Variants in TRHDE observed in about 807,000 individuals in gnomAD.
The protein encoded by TRHDE is thyrotropin releasing hormone degrading enzyme, also known as thyrotropin-releasing hormone-degrading ectoenzyme.
TRHDE carries 72 observed loss-of-function variants against 125.7 expected under a neutral mutation model. The observed-to-expected ratio is 0.57, with a 90% confidence interval of 0.47 to 0.70. TRHDE has a LOEUF of 0.70. TRHDE is among the 30% of genes least tolerant of loss of function. TRHDE has a pLI of 0.00. For synonymous variants in TRHDE, 509 were observed against 509.1 expected, an observed-to-expected ratio of 1.00 and a Z score of 0.00; for missense variants, 1,110 against 1,327.1, an observed-to-expected ratio of 0.84 and a Z score of 2.54.
intron 15 of TRHDE, among the ~76,000 whole-genome samples, chr12:72,651,225 C>A (rs1050942234): frequency 6.6e-6 from 1 of 151,986 alleles, no homozygotes; most frequent in Admixed American, 6.6e-5. Flanking sequence ...TTGTATGATA[C>A]TTTCTTAGAA....
At chr12:72,150,996 C>A (rs909824103) in intron 2 of TRHDE, among the ~76,000 whole-genome samples, 1 of 152,180 alleles carries the variant, frequency 6.6e-6, no homozygotes, top group Non-Finnish European at 1.5e-5. Context: ...AATGGTTGAA[C>A]TAGTTTACAG....
intron 3 of TRHDE, among the ~76,000 whole-genome samples, chr12:72,441,560 T>A (rs1187713024): frequency 6.6e-6 from 1 of 151,854 alleles, no homozygotes; most frequent in African/African-American, 2.4e-5. Flanking sequence ...TTCCTTTTAA[T>A]CCTTCTGGAG....
At chr12:72,397,671 G>A (rs184820952) in intron 3 of TRHDE, among the ~76,000 whole-genome samples, 2 of 151,992 alleles carry the variant, frequency 1.3e-5, no homozygotes, top group African/African-American at 4.8e-5. Context: ...GGTCTGAAAT[G>A]CTTTTCACTA....
chr12:72,457,688 G>A (rs988782927), intron 3 of TRHDE, among the ~76,000 whole-genome samples: 10 of 151,870 alleles, frequency 6.6e-5, no homozygotes, highest in African/African-American at 1.9e-4. Flanking sequence ...TGAATGTTGT[G>A]TGAACTACTA....
chr12:72,134,342 T>G (rs893016541), intron 2 of TRHDE, among the ~76,000 whole-genome samples: 1 of 151,808 alleles, frequency 6.6e-6, no homozygotes, highest in African/African-American at 2.4e-5. Context: ...GAAAAAAAAG[T>G]TGGAGGCAAG....
intron 2 of TRHDE, chr12:72,256,776 T>G (rs1266610971): frequency 6.6e-6 from 1 of 152,190 alleles, no homozygotes; most frequent in African/African-American, 2.4e-5. Flanking sequence ...GTACACAGAA[T>G]ATCTAAGGAG....
intron 12 of TRHDE, among the ~76,000 whole-genome samples, chr12:72,617,510 G>A (rs1872869913): frequency 1.3e-5 from 2 of 152,050 alleles, no homozygotes. Flanking sequence ...AAATACAAAG[G>A]TCCATCTAAT....
intron 3 of TRHDE, among the ~76,000 whole-genome samples, chr12:72,455,251 C>A (rs11179213): frequency 0.11 from 16,680 of 151,894 alleles, 1,289 homozygotes; most frequent in African/African-American, 0.21. Context: ...AAACTTTCTC[C>A]GGTACTCTTT....
chr12:72,628,985 T>TA (rs1421583953), intron 15 of TRHDE, among the ~76,000 whole-genome samples: 1 of 151,846 alleles, frequency 6.6e-6, no homozygotes, highest in African/African-American at 2.4e-5. Flanking sequence ...AATGTTTGAC[T>TA]TAATGACCTA....
At chr12:72,461,879 A>G (rs1185823460) in intron 3 of TRHDE, among the ~76,000 whole-genome samples, 1 of 152,178 alleles carries the variant, frequency 6.6e-6, no homozygotes, top group Non-Finnish European at 1.5e-5. Flanking sequence ...GAAGAACTGG[A>G]AAGATCTCAA....
intron 3 of TRHDE, among the ~76,000 whole-genome samples, chr12:72,397,290 G>T (rs7966773): frequency 0.064 from 9,724 of 151,962 alleles, 665 homozygotes; most frequent in African/African-American, 0.16. Flanking sequence ...CCACATTTTC[G>T]CTGCTATTCC....
intron 18 of TRHDE, among the ~76,000 whole-genome samples, chr12:72,659,996 A>G (rs750445850): frequency 1.3e-5 from 2 of 151,692 alleles, no homozygotes; most frequent in Non-Finnish European, 2.9e-5. Context: ...GGTGGCCCCA[A>G]ATGGCTGGGC....
chr12:72,323,343 A>T (rs2135712416), intron 2 of TRHDE, among the ~76,000 whole-genome samples: 1 of 152,218 alleles, frequency 6.6e-6, no homozygotes, highest in South Asian at 2.1e-4. Flanking sequence ...ACTACACATA[A>T]CCCTCCTCTC....
At chr12:72,230,897 A>C (rs749724589) in intron 2 of TRHDE, among the ~76,000 whole-genome samples, 1 of 152,226 alleles carries the variant, frequency 6.6e-6, no homozygotes, top group East Asian at 1.9e-4. Flanking sequence ...GTTACTATGA[A>C]TCATTATTCT....
intron 3 of TRHDE, among the ~76,000 whole-genome samples, chr12:72,393,555 A>G (rs1386389040): frequency 6.6e-6 from 1 of 152,206 alleles, no homozygotes; most frequent in African/African-American, 2.4e-5. Flanking sequence ...AACCTAACAA[A>G]TGGTAAAATT....
chr12:72,454,714 G>A (rs1310477338), intron 3 of TRHDE, among the ~76,000 whole-genome samples: 2 of 152,096 alleles, frequency 1.3e-5, no homozygotes, highest in African/African-American at 4.8e-5. Flanking sequence ...GTAGTCTGAG[G>A]ATCTTGTTAA....
rs1280136957 is a variant in TRHDE, at chr12:72,669,290, A to G, written c.*6095A>G. 6.6e-6 allele frequency: 1 copy of G among 151,842 alleles called. No homozygotes were observed. Among genetic ancestry groups the G allele is most frequent in the African/African-American group, 2.4e-5 (1 of 41,400 alleles). The allele number at this position is 151,842 out of a possible 1,614,324, so 9.4% of individuals were successfully genotyped here. On this transcript the variant is annotated 3_prime_UTR_variant, in exon 19 of 19. Coordinates refer to ENST00000261180, the MANE Select transcript of TRHDE (RefSeq NM_013381.3). ...GTGAGGTCAGAGAAGTATCTCTGTC[A>G]TTCTGCTTAGAAGTATACATGGACT...
At chr12:72,333,752 T>TG in intron 2 of TRHDE, among the ~76,000 whole-genome samples, 1 of 152,222 alleles carries the variant, frequency 6.6e-6, no homozygotes, top group East Asian at 1.9e-4. Context: ...GCTTTGAATT[T>TG]GGGATTGAGG....
At position 72,200,541 on chromosome 12, in the gene TRHDE, A is replaced by G. The variant is rs536424527; in HGVS notation, n.279+94789A>G. Among the ~76,000 whole-genome samples, 8 of 152,344 alleles carry G rather than the reference A, an allele frequency of 5.3e-5. No individual in the cohort carries two copies. The South Asian group carries it at 1.7e-3, about 32-fold the overall frequency. On this transcript the variant is annotated intron_variant and non_coding_transcript_variant, in intron 2 of 4. Coordinates refer to the TRHDE transcript ENST00000548156. ...AAGTCAGAAAACATGTTTTCTGAGC[A>G]TAAGTGGCGAGTATTGACTGTTGGG...
Sources: gnomAD v4.1 joint callset for allele counts (sites outside exome capture counted in the v4.1 genomes callset) on GRCh38, gnomAD v4.1.1 for gene constraint, MANE v1.5 for transcripts, NCBI Gene and HGNC (gene_info 2026-07-23, HGNC 2026-07-21) for gene names.